Variants in SLC6A9 observed in about 807,000 individuals in gnomAD.
SLC6A9 encodes solute carrier family 6 member 9.
A neutral mutation model predicts 70.9 loss-of-function variants in SLC6A9; 31 were observed. That is an observed-to-expected ratio of 0.44 (90% CI 0.33 to 0.59). The LOEUF is 0.59. Ranked by LOEUF, SLC6A9 falls within the 20% of genes least tolerant of loss-of-function variation. The probability of loss-of-function intolerance (pLI) is 0.04; values close to 1 mark genes in which losing one functional copy is unlikely to be tolerated. For missense variants in SLC6A9, 631 were observed against 845.2 expected (o/e 0.75, Z 3.14); for synonymous variants, 310 against 341.3 (o/e 0.91, Z 1.01).
Position 44,018,542 on chromosome 1 carries a change from C to A in SLC6A9, c.30+5706G>T, listed in dbSNP as rs915486678. The stretch of plus-strand genomic sequence containing the variant: ...CCGGGAGGTGGAGGTTGCAGTGAGC[C>A]GAGATCGCGCCATTGCATTCCAGCC... On this transcript the variant is annotated intron_variant, in intron 2 of 13. Transcript: ENST00000372310. This position sits in a 1 kb window ranked among gnomAD's most constrained non-coding sequence, Gnocchi z 4.2. Among the ~76,000 whole-genome samples, 4 of 151,044 alleles carry A rather than the reference C, an allele frequency of 2.6e-5. No homozygotes were observed. Among genetic ancestry groups the A allele is most frequent in the African/African-American group, 9.7e-5 (4 of 41,026 alleles).
chr1:44,013,846 A>T lies in SLC6A9; in HGVS notation c.31-2964T>A, dbSNP rs984418779. 2.6e-5 allele frequency among the ~76,000 whole-genome samples: 4 copies of T among 151,638 alleles called. No homozygotes were observed. Among genetic ancestry groups the T allele is most frequent in the African/African-American group, 9.7e-5 (4 of 41,310 alleles). On this transcript the variant is annotated intron_variant, in intron 2 of 13. Coordinates refer to ENST00000372310, the MANE Select transcript of SLC6A9 (RefSeq NM_001024845.3). The surrounding 1 kb of genome is among the most constrained non-coding windows in gnomAD (Gnocchi z 5.3). Reference sequence around the variant, plus strand: ...GATCTCCTCTGGGGACCACCCTCTGACTTCCCTCCTGAGCAGCTAAATCTT... The same window carrying T: ...GATCTCCTCTGGGGACCACCCTCTGTCTTCCCTCCTGAGCAGCTAAATCTT...
chr1:44,001,043 A>G lies in SLC6A9; in HGVS notation c.1348T>C (p.Trp450Arg), dbSNP rs1209655650. 1.3e-6 allele frequency: 2 copies of G among 1,586,192 alleles called. No homozygotes were observed. The highest frequency in any genetic ancestry group is 2.7e-5 in the African/African-American group (2 of 74,336). The change falls in exon 11 of 14, where the codon TGG becomes CGG. Residue 450 changes from tryptophan (W) to arginine (R), a missense_variant. Physicochemically the swap from Trp to Arg is moderately radical, Grantham distance 101 (BLOSUM62 -3). Coordinates refer to ENST00000372310, the MANE Select transcript of SLC6A9 (RefSeq NM_001024845.3). ...IPLTSQAGIY[W>R]LLLMDNYAAS... Reference sequence around the variant, plus strand: ...GCATAGTTGTCCATCAGCAGCAGCCAATAGATGCCTGCCTGGGGAACAGCG... The same window carrying G: ...GCATAGTTGTCCATCAGCAGCAGCCGATAGATGCCTGCCTGGGGAACAGCG...
chr1:44,002,815 C>G lies in SLC6A9; in HGVS notation c.723+38G>C. ...AACCCAGGTAGGGGGCAGGGTCTTTCTGGGTGGGCACAGACCCTGCTGGGG... is the reference window on the plus strand; with the variant it reads ...AACCCAGGTAGGGGGCAGGGTCTTTGTGGGTGGGCACAGACCCTGCTGGGG... On this transcript the variant is annotated intron_variant, in intron 6 of 13. Coordinates refer to ENST00000372310, the MANE Select transcript of SLC6A9 (RefSeq NM_001024845.3). The surrounding 1 kb of genome is among the most constrained non-coding windows in gnomAD (Gnocchi z 5.5). 6.2e-7 allele frequency: 1 copy of G among 1,612,448 alleles called. No individual in the cohort carries two copies. Among genetic ancestry groups the G allele is most frequent in the Non-Finnish European group, 8.5e-7 (1 of 1,178,844 alleles).
At chr1:44,000,471 C>G (rs1359223335) in intron 12 of SLC6A9, among the ~76,000 whole-genome samples, 2 of 152,220 alleles carry the variant, frequency 1.3e-5, no homozygotes, top group Non-Finnish European at 2.9e-5. Flanking sequence ...GACACGCTAT[C>G]GATATTGACT....
chr1:44,029,459 C>CT (rs2087051152), intron 1 of SLC6A9, among the ~76,000 whole-genome samples: 1 of 152,212 alleles, frequency 6.6e-6, no homozygotes, highest in Non-Finnish European at 1.5e-5. Flanking sequence ...TGCTTCATGC[C>CT]TTTGCCCCGG....
chr1:44,014,162 A>C (rs2086664702), intron 2 of SLC6A9, among the ~76,000 whole-genome samples: 1 of 148,920 alleles, frequency 6.7e-6, no homozygotes, highest in East Asian at 2.0e-4. Flanking sequence ...ACCCTCACTC[A>C]CTTGCTGACA....
At chr1:44,030,246 G>A (rs2087076912) in intron 1 of SLC6A9, among the ~76,000 whole-genome samples, 1 of 152,174 alleles carries the variant, frequency 6.6e-6, no homozygotes, top group Non-Finnish European at 1.5e-5. Context: ...GAGAGATGTG[G>A]GGGCACGGGC....
intron 2 of SLC6A9, chr1:44,017,253 C>A (rs1337489614): frequency 2.6e-6 from 4 of 1,511,682 alleles, no homozygotes; most frequent in African/African-American, 2.8e-5. Flanking sequence ...ACCCGCTCCC[C>A]TGGCCCTGCC....
intron 12 of SLC6A9, among the ~76,000 whole-genome samples, chr1:43,998,385 G>A (rs1284740774): frequency 6.6e-6 from 1 of 152,212 alleles, no homozygotes; most frequent in Non-Finnish European, 1.5e-5. Context: ...ACCTGGCAGT[G>A]TGACCTCAAA....
rs2086822513 is a variant in SLC6A9, at chr1:44,018,628, AATAAT to A, written c.30+5615_30+5619del. On this transcript the variant is annotated intron_variant, in intron 2 of 13. Transcript: ENST00000372310. The surrounding 1 kb of genome is among the most constrained non-coding windows in gnomAD (Gnocchi z 4.2). ...TAATAATAATAATAATAATAATAAT[AATAAT>A]AATAAATAAAAATAAAAAGACAGGT... Among the ~76,000 whole-genome samples, 3 of 148,098 alleles carry A rather than the reference AATAAT, an allele frequency of 2.0e-5. No individual in the cohort carries two copies. Among genetic ancestry groups the A allele is most frequent in the Admixed American group, 1.4e-4 (2 of 14,762 alleles).
rs200381737 is a variant in SLC6A9 at position 44,017,265 on chromosome 1, C to T, written c.31-6383G>A. On this transcript the variant is annotated intron_variant, in intron 2 of 13. Coordinates refer to ENST00000372310, the MANE Select transcript of SLC6A9 (RefSeq NM_001024845.3). ...CCTACCCGCTCCCCTGGCCCTGCCC[C>T]TCCGGCCAGTCCCCATGCAGCCCAG... 79 of 1,502,880 alleles carry T rather than the reference C, an allele frequency of 5.3e-5. No homozygotes were observed. The African/African-American group carries it at 1.0e-3, about 19-fold the overall frequency. The allele number at this position is 1,502,880 out of a possible 1,614,324, so 93.1% of individuals were successfully genotyped here. A position where few individuals can be genotyped will look rare whatever the true frequency, so the allele number is the denominator to read the frequency against.
chr1:44,029,973 G>T (rs2087064063), intron 1 of SLC6A9, among the ~76,000 whole-genome samples: 1 of 152,278 alleles, frequency 6.6e-6, no homozygotes, highest in Middle Eastern at 3.4e-3. Context: ...GCACCCTCAC[G>T]CTCCTTTCAG....
At chr1:44,017,598 G>A (rs2086795796) in intron 2 of SLC6A9, among the ~76,000 whole-genome samples, 1 of 152,222 alleles carries the variant, frequency 6.6e-6, no homozygotes, top group African/African-American at 2.4e-5. Flanking sequence ...AGTCCACAGG[G>A]CACCACCAGA....
chr1:44,028,463 G>A (rs1571923670), intron 1 of SLC6A9, among the ~76,000 whole-genome samples: 1 of 152,186 alleles, frequency 6.6e-6, no homozygotes. Flanking sequence ...AATTAGAAAT[G>A]GGCCAGGCCA....
In SLC6A9 at chr1:44,001,244, A is replaced by G. The variant is rs201696830; in HGVS notation, c.1255T>C (p.Trp419Arg). Residue 419 changes from tryptophan (W) to arginine (R), a missense_variant, in exon 10 of 14, where the codon TGG (tryptophan) becomes CGG (arginine). Coordinates refer to ENST00000372310, the MANE Select transcript of SLC6A9 (RefSeq NM_001024845.3). ...TAIVDEVGNE[W>R]ILQKKTYVTL... ...ACATAGGTCTTTTTCTGCAGGATCC[A>G]CTCATTCCCCACCTCATCCACAATG... is the stretch of plus-strand genomic sequence containing the variant. The G allele has an allele frequency of 4.3e-6, 7 of 1,613,944 alleles. No homozygotes were observed. The highest frequency in any genetic ancestry group is 5.9e-6 in the Non-Finnish European group (7 of 1,179,994).
At chr1:44,017,078 T>A (rs758787472) in intron 2 of SLC6A9, 16 of 1,603,594 alleles carry the variant, frequency 1.0e-5, no homozygotes, top group African/African-American at 9.4e-5. Flanking sequence ...CACAGGTCCA[T>A]GAGCCGCGGC....
rs2086807813 is a variant in SLC6A9 at position 44,018,121 on chromosome 1, C to T, written c.30+6127G>A. On this transcript the variant is annotated intron_variant, in intron 2 of 13. Coordinates refer to ENST00000372310, the MANE Select transcript of SLC6A9 (RefSeq NM_001024845.3). The surrounding 1 kb of genome is among the most constrained non-coding windows in gnomAD (Gnocchi z 4.2). ...TTCCGGTGCCAGGAATGTGTCAGGC[C>T]CTTTGGAAACTGGTCAGTCAGCAGA... Among the ~76,000 whole-genome samples the T allele has an allele frequency of 6.6e-6, 1 of 152,122 alleles. No homozygotes were observed. Among genetic ancestry groups the T allele is most frequent in the Non-Finnish European group, 1.5e-5 (1 of 68,030 alleles).
At chr1:44,031,196 A>ACG (rs1553165398) in intron 1 of SLC6A9, 110 bp downstream of exon 1, 1 of 150,112 alleles carries the variant, frequency 6.7e-6, no homozygotes, top group Non-Finnish European at 1.5e-5. Context: ...ACACACACAC[A>ACG]CGCACACGCT....
intron 2 of SLC6A9, chr1:44,017,125 G>C: frequency 6.2e-7 from 1 of 1,606,828 alleles, no homozygotes; most frequent in African/African-American, 1.3e-5. Context: ...GCGTGTCTCC[G>C]CCGCTCATTC....
Sources: allele counts gnomAD v4.1 joint callset (sites outside exome capture counted in the v4.1 genomes callset), GRCh38; gene constraint gnomAD v4.1.1; non-coding constraint Gnocchi (gnomAD v3.1); transcripts MANE v1.5; gene names NCBI Gene and HGNC (gene_info 2026-07-23, HGNC 2026-07-21).